ACYP2: variants seen among roughly 807,000 people sequenced by gnomAD.
ACYP2 encodes the protein acylphosphatase 2.
A neutral mutation model predicts 11.2 loss-of-function variants in ACYP2; 12 were observed. The observed-to-expected ratio is 1.08, with a 90% confidence interval of 0.69 to 1.74. ACYP2 has a LOEUF of 1.74. ACYP2 is among the 40% of genes most tolerant of loss of function. The pLI is 0.00. For missense variants in ACYP2, 134 were observed against 101.9 expected (o/e 1.31, Z -1.35); for synonymous variants, 43 against 32.2 (o/e 1.33, Z -1.13).
At chr2:54,090,999 G>A (rs1678194378) in intron 4 of ACYP2, among the ~76,000 whole-genome samples, 1 of 152,186 alleles carries the variant, frequency 6.6e-6, no homozygotes, top group Admixed American at 6.5e-5. Context: ...AATGAACGCT[G>A]ACATAATTGT....
intron 4 of ACYP2, among the ~76,000 whole-genome samples, chr2:54,067,373 G>A (rs751813647): frequency 5.9e-5 from 9 of 152,110 alleles, no homozygotes; most frequent in Admixed American, 5.2e-4. Context: ...CATTGTCAAC[G>A]AGAGCATCAG....
intron 6 of ACYP2, among the ~76,000 whole-genome samples, chr2:54,274,965 A>G (rs1324677860): frequency 2.6e-5 from 4 of 152,212 alleles, no homozygotes; most frequent in Admixed American, 1.3e-4. Context: ...TCAACCTCAC[A>G]TAGCTCAAAA....
intron 4 of ACYP2, among the ~76,000 whole-genome samples, chr2:54,063,476 T>C (rs76318551): frequency 6.6e-6 from 1 of 152,198 alleles, no homozygotes; most frequent in East Asian, 1.9e-4. Flanking sequence ...ACAAGCAACC[T>C]GTCCCTCTGG....
chr2:53,982,689 G>C (rs893331005), intron 2 of ACYP2, among the ~76,000 whole-genome samples: 1 of 152,134 alleles, frequency 6.6e-6, no homozygotes, highest in Admixed American at 6.6e-5. Flanking sequence ...TTTGACTCTT[G>C]CTAAACTACC....
At chr2:54,246,194 C>G (rs1036012878) in intron 6 of ACYP2, among the ~76,000 whole-genome samples, 1 of 152,128 alleles carries the variant, frequency 6.6e-6, no homozygotes, top group African/African-American at 2.4e-5. Context: ...TCTGGGTTCT[C>G]TATTCTGTTC....
intron 2 of ACYP2, among the ~76,000 whole-genome samples, chr2:54,033,566 A>G (rs1674709735): frequency 6.6e-6 from 1 of 152,112 alleles, no homozygotes; most frequent in South Asian, 2.1e-4. Flanking sequence ...GAATGATGAA[A>G]ATTGTGTGTT....
intron 2 of ACYP2, among the ~76,000 whole-genome samples, chr2:54,000,931 A>T (rs1310388141): frequency 6.6e-6 from 1 of 152,186 alleles, no homozygotes; most frequent in African/African-American, 2.4e-5. Flanking sequence ...CTGCTGTGAA[A>T]TGTCTTGTGA....
chr2:54,087,297 G>A (rs755311323), intron 4 of ACYP2, among the ~76,000 whole-genome samples: 4 of 152,204 alleles, frequency 2.6e-5, no homozygotes, highest in Non-Finnish European at 4.4e-5. Flanking sequence ...ATTTTTGGAT[G>A]CTAAATGTTT....
intron 6 of ACYP2, among the ~76,000 whole-genome samples, chr2:54,186,905 A>G (rs536646114): frequency 8.6e-5 from 13 of 152,028 alleles, no homozygotes; most frequent in Non-Finnish European, 1.2e-4. Flanking sequence ...ATAGTAAAAT[A>G]CTGTTCATTA....
intron 6 of ACYP2, among the ~76,000 whole-genome samples, chr2:54,282,105 T>G (rs551151035): frequency 7.2e-5 from 11 of 152,362 alleles, no homozygotes; most frequent in Admixed American, 2.0e-4. Context: ...GGTAGTGAAA[T>G]ATATGTTAAT....
intron 2 of ACYP2, among the ~76,000 whole-genome samples, chr2:54,046,249 C>T (rs115586872): frequency 0.049 from 7,219 of 147,530 alleles, 323 homozygotes; most frequent in East Asian, 0.27. Context: ...GAGGCTGAGG[C>T]GGGTGCATTA....
chr2:54,239,426 G>C (rs926890866), intron 6 of ACYP2, among the ~76,000 whole-genome samples: 1 of 152,166 alleles, frequency 6.6e-6, no homozygotes, highest in African/African-American at 2.4e-5. Context: ...CATCAACCTA[G>C]AGCCTCCCGC....
intron 6 of ACYP2, among the ~76,000 whole-genome samples, chr2:54,241,981 T>G (rs1324241818): frequency 6.6e-6 from 1 of 152,074 alleles, no homozygotes; most frequent in Non-Finnish European, 1.5e-5. Context: ...GCCATTGCAC[T>G]CCAGCCTAGG....
chr2:54,138,681 G>A lies in ACYP2; in HGVS notation c.337G>A (p.Val113Met), dbSNP rs1681413310. ...TAGGAAAATAGGAGTGGTTGGCTGG[G>A]TGAAGAATACCAGCAAAGGCACCGT... is the stretch of plus-strand genomic sequence containing the variant. Residue 113 changes from valine (V) to methionine (M), a missense_variant, in exon 6 of 7, where the codon GTG (valine) becomes ATG (methionine). Transcript: ENST00000607452. The A allele has an allele frequency of 2.5e-6, 4 of 1,614,000 alleles. No homozygotes were observed. Among genetic ancestry groups the A allele is most frequent in the African/African-American group, 1.3e-5 (1 of 74,932 alleles).
At chr2:54,185,393 A>G (rs978173885) in intron 6 of ACYP2, among the ~76,000 whole-genome samples, 76 of 152,288 alleles carry the variant, frequency 5.0e-4, no homozygotes, top group African/African-American at 1.6e-3. Context: ...AAGATAGGAG[A>G]TGAAAATACA....
chr2:54,266,052 G>C (rs772055600), intron 6 of ACYP2, among the ~76,000 whole-genome samples: 1 of 152,134 alleles, frequency 6.6e-6, no homozygotes, highest in Non-Finnish European at 1.5e-5. Flanking sequence ...AGCATGTTCT[G>C]AGAACAGTTC....
In ACYP2 at chr2:54,255,943, G is replaced by A. The variant is rs201798777; in HGVS notation, c.405-48745G>A. The stretch of plus-strand genomic sequence containing the variant: ...ACCCGCATCGACCAAGATGTGGAAA[G>A]TATGGCCACCATCTGCGGGATCCTG... On this transcript the variant is annotated intron_variant, in intron 6 of 6. Coordinates refer to ENST00000607452, the MANE Select transcript of ACYP2 (RefSeq NM_001320586.2). 1.3e-4 allele frequency: 205 copies of A among 1,614,144 alleles called. No individual in the cohort carries two copies. The African/African-American group carries it at 2.4e-3, about 19-fold the overall frequency.
intron 6 of ACYP2, among the ~76,000 whole-genome samples, chr2:54,205,247 A>G (rs920939175): frequency 6.6e-6 from 1 of 152,158 alleles, no homozygotes; most frequent in Non-Finnish European, 1.5e-5. Flanking sequence ...CCAGTAACCC[A>G]TGGGAGCTGG....
intron 6 of ACYP2, among the ~76,000 whole-genome samples, chr2:54,292,703 C>T (rs1276445929): frequency 1.7e-5 from 2 of 119,548 alleles, no homozygotes; most frequent in Non-Finnish European, 3.5e-5. Flanking sequence ...CACACACACA[C>T]ACACACGTGT....
Sources: allele counts gnomAD v4.1 joint callset (sites outside exome capture counted in the v4.1 genomes callset), GRCh38; gene constraint gnomAD v4.1.1; transcripts MANE v1.5; gene names NCBI Gene and HGNC (gene_info 2026-07-23, HGNC 2026-07-21).